The following KCNN2 variants were observed in gnomAD, a reference collection of about 807,000 sequenced individuals.
The protein encoded by KCNN2 is small conductance calcium-activated potassium channel protein 2.
In KCNN2, 24 loss-of-function variants were observed where a neutral mutation model predicts 55.5. That is an observed-to-expected ratio of 0.43 (90% CI 0.31 to 0.61). The LOEUF (loss-of-function observed/expected upper bound fraction) is 0.61, where lower values mean the gene tolerates loss of function less well. Among genes scored for constraint, KCNN2 ranks in the 20% least tolerant of loss-of-function variants. The probability of loss-of-function intolerance (pLI) is 0.08; values close to 1 mark genes in which losing one functional copy is unlikely to be tolerated. For synonymous variants in KCNN2, 431 were observed against 336.1 expected (o/e 1.28, Z -3.09); for missense variants, 754 against 853.6 (o/e 0.88, Z 1.45).
chr5:114,196,530 A>G (rs1225032732), intron 1 of KCNN2, among the ~76,000 whole-genome samples: 1 of 151,958 alleles, frequency 6.6e-6, no homozygotes, highest in African/African-American at 2.4e-5. Flanking sequence ...AATTCTTTTT[A>G]TCCATTTTTG....
intron 1 of KCNN2, among the ~76,000 whole-genome samples, chr5:114,060,321 G>A (rs999660482): frequency 3.9e-5 from 6 of 152,204 alleles, no homozygotes; most frequent in East Asian, 1.9e-4. Flanking sequence ...CCACCCTCTC[G>A]TTGCAGTTCA....
intron 1 of KCNN2, among the ~76,000 whole-genome samples, chr5:114,064,630 T>G (rs1290631001): frequency 1.3e-5 from 2 of 152,200 alleles, no homozygotes; most frequent in Admixed American, 1.3e-4. Flanking sequence ...TTCTCCATTA[T>G]TGACTTAGGT....
At chr5:114,463,841 T>C (rs1013200611) in intron 4 of KCNN2, among the ~76,000 whole-genome samples, 16 of 151,924 alleles carry the variant, frequency 1.1e-4, no homozygotes, top group African/African-American at 3.9e-4. Context: ...CACTAGAAAA[T>C]TGATTTTTAC....
chr5:114,392,189 A>G (rs77423034), intron 2 of KCNN2, among the ~76,000 whole-genome samples: 7 of 152,192 alleles, frequency 4.6e-5, no homozygotes, highest in Admixed American at 1.3e-4. Flanking sequence ...CCTACAACAT[A>G]TGATATGTGT....
At chr5:114,441,135 T>C (rs143743052) in intron 3 of KCNN2, among the ~76,000 whole-genome samples, 59 of 152,296 alleles carry the variant, frequency 3.9e-4, no homozygotes, top group African/African-American at 1.3e-3. Flanking sequence ...CACTGCAAAG[T>C]TGTAATAATT....
intron 2 of KCNN2, among the ~76,000 whole-genome samples, chr5:114,278,590 C>G (rs1755543087): frequency 6.6e-6 from 1 of 152,244 alleles, no homozygotes; most frequent in Admixed American, 6.5e-5. Context: ...ACGCCCCTTC[C>G]CCACCTTGCT....
intron 3 of KCNN2, among the ~76,000 whole-genome samples, chr5:114,462,072 A>T (rs1160359847): frequency 2.6e-5 from 4 of 152,176 alleles, no homozygotes; most frequent in Non-Finnish European, 5.9e-5. Flanking sequence ...TAGAAACCAG[A>T]GCAGGGCCTC....
chr5:114,464,456 A>G (rs1002945410), intron 4 of KCNN2, among the ~76,000 whole-genome samples: 1 of 152,142 alleles, frequency 6.6e-6, no homozygotes, highest in Non-Finnish European at 1.5e-5. Context: ...GTATTCACCC[A>G]CAGGCTGGTA....
At chr5:114,203,328 T>C in intron 1 of KCNN2, among the ~76,000 whole-genome samples, 1 of 152,222 alleles carries the variant, frequency 6.6e-6, no homozygotes, top group Non-Finnish European at 1.5e-5. Context: ...AGTTCTTATG[T>C]GACAGGACAA....
At chr5:114,087,201 A>T (rs1403935360) in intron 1 of KCNN2, among the ~76,000 whole-genome samples, 2 of 151,970 alleles carry the variant, frequency 1.3e-5, no homozygotes, top group Admixed American at 1.3e-4. Flanking sequence ...ATAGCTCATG[A>T]CTATTTTCTC....
chr5:114,448,953 TC>T (rs1760530345), intron 3 of KCNN2, among the ~76,000 whole-genome samples: 1 of 152,184 alleles, frequency 6.6e-6, no homozygotes, highest in Non-Finnish European at 1.5e-5. Context: ...CAAAAAATTC[TC>T]AGGAATACGT....
chr5:114,144,116 G>C (rs1752347408), intron 1 of KCNN2, among the ~76,000 whole-genome samples: 1 of 152,160 alleles, frequency 6.6e-6, no homozygotes, highest in African/African-American at 2.4e-5. Context: ...GCTTGCTTAT[G>C]TCTAAACTTA....
intron 2 of KCNN2, among the ~76,000 whole-genome samples, chr5:114,274,219 A>G (rs568051684): frequency 1.5e-5 from 2 of 133,240 alleles, no homozygotes; most frequent in Admixed American, 1.7e-4. Flanking sequence ...TGGTACCAGT[A>G]CCATGCTGTT....
At chr5:114,316,819 C>A (rs772346716) in intron 2 of KCNN2, among the ~76,000 whole-genome samples, 26 of 152,144 alleles carry the variant, frequency 1.7e-4, no homozygotes, top group Non-Finnish European at 3.4e-4. Context: ...GGACTCAGGT[C>A]TGGCCATCTG....
intron 3 of KCNN2, among the ~76,000 whole-genome samples, chr5:114,416,449 G>T (rs1759308568): frequency 6.6e-6 from 1 of 152,150 alleles, no homozygotes; most frequent in African/African-American, 2.4e-5. Flanking sequence ...TCATGACTTT[G>T]GAAGGATGAT....
chr5:114,080,828 T>A (rs1295021337), intron 1 of KCNN2, among the ~76,000 whole-genome samples: 1 of 152,018 alleles, frequency 6.6e-6, no homozygotes, highest in Non-Finnish European at 1.5e-5. Flanking sequence ...AAGTTCTAGG[T>A]GGAGCCATTA....
intron 2 of KCNN2, among the ~76,000 whole-genome samples, chr5:114,322,576 TACACACAC>T (rs113249707): frequency 6.7e-6 from 1 of 148,610 alleles, no homozygotes; most frequent in African/African-American, 2.5e-5. Flanking sequence ...CACTCCCCCA[TACACACAC>T]ACACACACAC....
At chr5:114,360,193 C>CT (rs1190182788), upstream of KCNN2, among the ~76,000 whole-genome samples, 3 of 152,206 alleles carry the variant, frequency 2.0e-5, no homozygotes, top group African/African-American at 4.8e-5. Context: ...CCCCCCACCC[C>CT]TTTTTTTCTG....
At chr5:114,231,832 G>A (rs1480830800) in intron 2 of KCNN2, among the ~76,000 whole-genome samples, 2 of 144,730 alleles carry the variant, frequency 1.4e-5, no homozygotes, top group African/African-American at 2.6e-5. Flanking sequence ...TTCAATTTCT[G>A]TCTTCCCATA....
Sources: gnomAD v4.1 joint callset for allele counts (sites outside exome capture counted in the v4.1 genomes callset) on GRCh38, gnomAD v4.1.1 for gene constraint, MANE v1.5 for transcripts, NCBI Gene and HGNC (gene_info 2026-07-23, HGNC 2026-07-21) for gene names.